The following PAG1 variants were observed in gnomAD, a reference collection of about 807,000 sequenced individuals.
The protein encoded by PAG1 is phosphoprotein associated with glycosphingolipid-enriched microdomains 1.
PAG1 carries 23 observed loss-of-function variants against 31.7 expected under a neutral mutation model. The ratio of observed to expected loss-of-function variants is 0.73; its 90% confidence interval spans 0.52 to 1.03. PAG1 has a LOEUF of 1.03. Among genes scored for constraint, PAG1 ranks in the 50% least tolerant of loss-of-function variants. The pLI is 0.00. For missense variants in PAG1, 473 were observed against 540.7 expected, an observed-to-expected ratio of 0.87 and a Z score of 1.24; for synonymous variants, 214 against 210.3, an observed-to-expected ratio of 1.02 and a Z score of -0.15.
At chr8:81,075,101 A>C (rs1395363844) in intron 1 of PAG1, among the ~76,000 whole-genome samples, 1 of 152,232 alleles carries the variant, frequency 6.6e-6, no homozygotes, top group Non-Finnish European at 1.5e-5. Flanking sequence ...TTTGCCAGAG[A>C]GAAGGCAACC....
At chr8:81,041,150 C>T (rs988463184) in intron 2 of PAG1, among the ~76,000 whole-genome samples, 2 of 151,666 alleles carry the variant, frequency 1.3e-5, no homozygotes, top group Non-Finnish European at 2.9e-5. Flanking sequence ...ACTGTGAGAG[C>T]GAGGAGCAAG....
chr8:81,061,840 G>T (rs11986552), intron 2 of PAG1, among the ~76,000 whole-genome samples: 84,491 of 151,928 alleles, frequency 0.56, 24,062 homozygotes, highest in East Asian at 0.86. Context: ...AAGGTAGCCC[G>T]TAAGCGGAGA....
chr8:80,999,534 A>G (rs1426875544), intron 3 of PAG1, among the ~76,000 whole-genome samples: 1 of 152,228 alleles, frequency 6.6e-6, no homozygotes, highest in Non-Finnish European at 1.5e-5. Context: ...CCCTGCTATC[A>G]GGACTCACTG....
intron 3 of PAG1, among the ~76,000 whole-genome samples, chr8:81,014,952 T>A (rs189961444): frequency 1.3e-5 from 2 of 152,278 alleles, no homozygotes; most frequent in African/African-American, 2.4e-5. Context: ...GCAAGAACCA[T>A]CTGATCTCTA....
intron 3 of PAG1, among the ~76,000 whole-genome samples, chr8:81,014,169 G>C (rs191164723): frequency 6.6e-6 from 1 of 152,290 alleles, no homozygotes. Flanking sequence ...TGTGTAAATA[G>C]AGTCATCAAA....
intron 1 of PAG1, among the ~76,000 whole-genome samples, chr8:81,109,287 T>C (rs1809738646): frequency 6.6e-6 from 1 of 152,234 alleles, no homozygotes; most frequent in South Asian, 2.1e-4. Context: ...TCTTCATGTA[T>C]AAATTGAGGA....
intron 3 of PAG1, among the ~76,000 whole-genome samples, chr8:81,013,905 G>A (rs983949718): frequency 1.3e-5 from 2 of 152,110 alleles, no homozygotes; most frequent in Admixed American, 6.5e-5. Context: ...AATATAAAAT[G>A]TTCAATATAA....
chr8:81,094,699 G>T (rs1809498961), intron 1 of PAG1, among the ~76,000 whole-genome samples: 1 of 152,118 alleles, frequency 6.6e-6, no homozygotes, highest in African/African-American at 2.4e-5. Flanking sequence ...AAAGAGAAAA[G>T]CTAGCAAAAA....
At chr8:81,051,207 G>C (rs1364222354) in intron 2 of PAG1, among the ~76,000 whole-genome samples, 1 of 152,148 alleles carries the variant, frequency 6.6e-6, no homozygotes, top group African/African-American at 2.4e-5. Flanking sequence ...TGTAAAATGA[G>C]CACTACTGGA....
intron 8 of PAG1, among the ~76,000 whole-genome samples, chr8:80,979,367 G>A (rs942612308): frequency 1.3e-5 from 2 of 152,174 alleles, no homozygotes; most frequent in South Asian, 2.1e-4. Flanking sequence ...AGGGGCGGCC[G>A]CAGTGGGCTT....
chr8:81,014,349 T>C (rs1457506381), intron 3 of PAG1, among the ~76,000 whole-genome samples: 4 of 152,316 alleles, frequency 2.6e-5, no homozygotes, highest in African/African-American at 7.2e-5. Context: ...CTTCATTACA[T>C]GGCCCATAAA....
chr8:81,050,472 C>T (rs1028458501), intron 2 of PAG1, among the ~76,000 whole-genome samples: 2 of 152,026 alleles, frequency 1.3e-5, no homozygotes, highest in African/African-American at 4.8e-5. Context: ...GTTCCAGCAC[C>T]ATGTTGCAGT....
intron 2 of PAG1, among the ~76,000 whole-genome samples, chr8:81,055,065 CTTTTT>C (rs1249173701): frequency 7.0e-6 from 1 of 142,622 alleles, no homozygotes; most frequent in South Asian, 2.2e-4. Flanking sequence ...GAATTAATTT[CTTTTT>C]TTTTCTTTTT....
chr8:81,023,212 T>G (rs1396368674), intron 3 of PAG1, among the ~76,000 whole-genome samples: 1 of 152,186 alleles, frequency 6.6e-6, no homozygotes, highest in Non-Finnish European at 1.5e-5. Flanking sequence ...GACTTTTTTC[T>G]TATTTAACAG....
At chr8:81,046,859 C>T (rs755990630) in intron 2 of PAG1, among the ~76,000 whole-genome samples, 5 of 152,206 alleles carry the variant, frequency 3.3e-5, no homozygotes, top group South Asian at 2.1e-4. Context: ...CCCAACCCTC[C>T]GGCAGGTCCC....
At chr8:80,980,125 T>C (rs529255845) in intron 8 of PAG1, among the ~76,000 whole-genome samples, 1 of 152,346 alleles carries the variant, frequency 6.6e-6, no homozygotes, top group Non-Finnish European at 1.5e-5. Flanking sequence ...TCCTGACTGC[T>C]GACTGCTCCC....
At chr8:81,024,430 G>A (rs1265970392) in intron 3 of PAG1, among the ~76,000 whole-genome samples, 1 of 152,196 alleles carries the variant, frequency 6.6e-6, no homozygotes, top group Non-Finnish European at 1.5e-5. Flanking sequence ...ATACTCCGGA[G>A]TCCAGAGTCA....
At chr8:80,979,069 A>C (rs1807242663) in intron 8 of PAG1, among the ~76,000 whole-genome samples, 1 of 152,274 alleles carries the variant, frequency 6.6e-6, no homozygotes, top group Non-Finnish European at 1.5e-5. Flanking sequence ...AATACAAAAA[A>C]AACTTTCATA....
chr8:81,097,192 G>A (rs1809542039), intron 1 of PAG1, among the ~76,000 whole-genome samples: 1 of 152,150 alleles, frequency 6.6e-6, no homozygotes, highest in South Asian at 2.1e-4. Context: ...CTGGGGGTGG[G>A]CCCTGGAAAT....
Sources: gnomAD v4.1 joint callset for allele counts (sites outside exome capture counted in the v4.1 genomes callset) on GRCh38, gnomAD v4.1.1 for gene constraint, MANE v1.5 for transcripts, NCBI Gene and HGNC (gene_info 2026-07-23, HGNC 2026-07-21) for gene names.